Variants in GALNT7 observed in about 807,000 individuals in gnomAD.
The protein encoded by GALNT7 is polypeptide N-acetylgalactosaminyltransferase 7, also known as N-acetylgalactosaminyltransferase 7.
Under a neutral mutation model 82.1 loss-of-function variants are expected in GALNT7, and 60 were observed. The observed-to-expected ratio is 0.73, with a 90% CI of 0.59 to 0.91. GALNT7 has a LOEUF of 0.91. Ranked by LOEUF, GALNT7 falls within the 40% of genes least tolerant of loss-of-function variation. The pLI, the probability that GALNT7 is intolerant of heterozygous loss-of-function variation, is 0.00. For missense variants in GALNT7, 660 were observed against 804.2 expected, an observed-to-expected ratio of 0.82 and a Z score of 2.17; for synonymous variants, 243 against 275.1, an observed-to-expected ratio of 0.88 and a Z score of 1.15.
chr4:173,215,436 G>A lies in GALNT7; in HGVS notation c.127-32544G>A, dbSNP rs145463097. Among the ~76,000 whole-genome samples the A allele has an allele frequency of 3.9e-5, 6 of 152,120 alleles. No homozygotes were observed. The East Asian group carries it at 7.8e-4, about 20-fold the overall frequency. On this transcript the variant is annotated intron_variant, in intron 1 of 11. Coordinates refer to ENST00000265000, the MANE Select transcript of GALNT7 (RefSeq NM_017423.3). ...AGTAGAGACGGGGGTTCACCATGTT[G>A]CCCAGGCTGGTCTTGAACTCCTGAC...
intron 1 of GALNT7, among the ~76,000 whole-genome samples, chr4:173,240,357 ATTTTTTTTTTTTTTT>A (rs869162691): frequency 1.9e-5 from 2 of 104,142 alleles, no homozygotes; most frequent in Admixed American, 1.1e-4. Flanking sequence ...ACACTGGCTA[ATTTTTTTTTTTTTTT>A]TTTTTTTTTT....
In GALNT7 at chr4:173,320,746, A is replaced by G. The variant is rs1468030597; in HGVS notation, c.1837-834A>G. Reference sequence around the variant, plus strand: ...ATCCTTGAGCATTGTACCTCATTATATGGAAGTACTTGATACGTACTTCCC... The same window carrying G: ...ATCCTTGAGCATTGTACCTCATTATGTGGAAGTACTTGATACGTACTTCCC... On this transcript the variant is annotated intron_variant, in intron 11 of 11. Transcript: ENST00000265000. The surrounding 1 kb of genome is among the most constrained non-coding windows in gnomAD (Gnocchi z 4.1). Among the ~76,000 whole-genome samples the G allele has an allele frequency of 6.6e-6, 1 of 152,176 alleles. No individual in the cohort carries two copies. The highest frequency in any genetic ancestry group is 2.4e-5 in the African/African-American group (1 of 41,434).
chr4:173,233,052 G>T (rs1031347601), intron 1 of GALNT7, among the ~76,000 whole-genome samples: 5 of 152,160 alleles, frequency 3.3e-5, no homozygotes, highest in African/African-American at 9.7e-5. Context: ...CATCCATGTT[G>T]CTGCAAATGA....
Position 173,248,402 on chromosome 4 carries a change from C to T in GALNT7, c.549C>T (p.Ile183=). Residue 183 remains isoleucine, a synonymous_variant, in exon 2 of 12, where the codon ATC becomes ATT. Coordinates refer to ENST00000265000, the MANE Select transcript of GALNT7 (RefSeq NM_017423.3). ...TTAACATGGTGGCAAGTGACATGAT[C>T]TCACTGGACCGCAGCGTCAATGACT... ...FGFNMVASDM[I]SLDRSVNDLR... The T allele has an allele frequency of 1.2e-6, 2 of 1,612,570 alleles. No homozygotes were observed. The highest frequency in any genetic ancestry group is 8.5e-7 in the Non-Finnish European group (1 of 1,179,214).
intron 8 of GALNT7, among the ~76,000 whole-genome samples, chr4:173,311,861 A>C (rs1737396873): frequency 6.6e-6 from 1 of 152,208 alleles, no homozygotes; most frequent in Non-Finnish European, 1.5e-5. Context: ...TTGTGACAAC[A>C]ATGCATCTAG....
intron 1 of GALNT7, among the ~76,000 whole-genome samples, chr4:173,175,232 G>A (rs1266865357): frequency 6.6e-6 from 1 of 152,306 alleles, no homozygotes; most frequent in Non-Finnish European, 1.5e-5. Flanking sequence ...AAAGATTTCA[G>A]TAATAACAGC....
intron 6 of GALNT7, among the ~76,000 whole-genome samples, chr4:173,300,475 C>T (rs1246230968): frequency 6.6e-6 from 1 of 152,082 alleles, no homozygotes; most frequent in African/African-American, 2.4e-5. Context: ...GACAAAGTGT[C>T]ATTTAGGCTG....
intron 1 of GALNT7, among the ~76,000 whole-genome samples, chr4:173,178,052 T>TGTGTGTGTGC (rs563102408): frequency 3.8e-4 from 49 of 129,512 alleles, no homozygotes; most frequent in African/African-American, 1.3e-3. Flanking sequence ...TGTGTGTGTG[T>TGTGTGTGTGC]GCGCGCACGC....
At chr4:173,246,210 T>C (rs181149771) in intron 1 of GALNT7, among the ~76,000 whole-genome samples, 1 of 152,380 alleles carries the variant, frequency 6.6e-6, no homozygotes, top group Admixed American at 6.5e-5. Context: ...TGGAATGCAA[T>C]TGATTATTGC....
chr4:173,261,818 C>CA (rs912278433), intron 2 of GALNT7, among the ~76,000 whole-genome samples: 14 of 150,864 alleles, frequency 9.3e-5, no homozygotes, highest in African/African-American at 2.9e-4. Context: ...GACTCAGTCT[C>CA]AAAAAAAATT....
intron 1 of GALNT7, among the ~76,000 whole-genome samples, chr4:173,174,147 A>G (rs1019501183): frequency 6.6e-6 from 1 of 152,064 alleles, no homozygotes; most frequent in Admixed American, 6.6e-5. Context: ...TCAGTGTCCC[A>G]TCCCCCTTCT....
intron 2 of GALNT7, among the ~76,000 whole-genome samples, chr4:173,288,278 A>T (rs374203773): frequency 9.5e-6 from 1 of 105,176 alleles, no homozygotes; most frequent in Non-Finnish European, 2.0e-5. Flanking sequence ...GCGAGACTCC[A>T]TCTCAAAAAA....
chr4:173,196,573 A>C (rs1386047511), intron 1 of GALNT7, among the ~76,000 whole-genome samples: 1 of 152,216 alleles, frequency 6.6e-6, no homozygotes, highest in African/African-American at 2.4e-5. Flanking sequence ...TCCGGGTTGC[A>C]TGTGCAGGAT....
chr4:173,278,249 C>A (rs1265931572), intron 2 of GALNT7, among the ~76,000 whole-genome samples: 1 of 152,204 alleles, frequency 6.6e-6, no homozygotes, highest in South Asian at 2.1e-4. Context: ...GTGATAGATA[C>A]CTCCTGCAGT....
Position 173,298,110 on chromosome 4 carries a change from T to A in GALNT7, c.966-5T>A, listed in dbSNP as rs1242363777. 1.2e-6 allele frequency: 2 copies of A among 1,613,748 alleles called. No homozygotes were observed. Among genetic ancestry groups the A allele is most frequent in the Admixed American group, 3.3e-5 (2 of 60,018 alleles). ...TTGATCTTTGCTGCCATCAACACAA[T>A]ACAGAACCATTTGCACTGTGCCGCT... On this transcript the variant is annotated splice_polypyrimidine_tract_variant and splice_region_variant and intron_variant, in intron 5 of 11. Transcript: ENST00000265000.
chr4:173,168,879 T>G lies in GALNT7; in HGVS notation c.44T>G (p.Val15Gly). 6.2e-7 allele frequency: 1 copy of G among 1,613,256 alleles called. No individual in the cohort carries two copies. The highest frequency in any genetic ancestry group is 8.5e-7 in the Non-Finnish European group (1 of 1,179,538). Residue 15 changes from valine (V) to glycine (G), a missense_variant, in exon 1 of 12, where the codon GTG becomes GGG. This residue lies in a region of GALNT7 where 133 missense variants were observed against 120.7 expected (regional missense o/e 1.10). Transcript: ENST00000265000. ...IGFILRSLLV[V>G]GSFLGLVVLW... is the part of the protein sequence containing the mutation. ...TTCATCTTACGCAGTTTGCTGGTGG[T>G]GGGAAGCTTCCTGGGGCTAGTGGTC...
chr4:173,313,664 C>A (rs142343985), intron 8 of GALNT7, among the ~76,000 whole-genome samples: 10 of 151,396 alleles, frequency 6.6e-5, no homozygotes, highest in Non-Finnish European at 1.3e-4. Context: ...CTCTGAGATT[C>A]AATTTATTCT....
At chr4:173,313,928 GATAT>G (rs138768800) in intron 8 of GALNT7, 26 bp from the exon 9 acceptor site, 33 of 942,970 alleles carry the variant, frequency 3.5e-5, no homozygotes, top group Non-Finnish European at 3.6e-5. Flanking sequence ...TTTTTATAAC[GATAT>G]ATATATATAT....
At chr4:173,172,053 C>T (rs948661015) in intron 1 of GALNT7, among the ~76,000 whole-genome samples, 2 of 152,090 alleles carry the variant, frequency 1.3e-5, no homozygotes, top group Non-Finnish European at 2.9e-5. Context: ...AGTGAGAGAC[C>T]GAGGCAAATT....
Sources: allele counts gnomAD v4.1 joint callset (sites outside exome capture counted in the v4.1 genomes callset), GRCh38; gene constraint gnomAD v4.1.1; regional missense constraint gnomAD v4.1.1; non-coding constraint Gnocchi (gnomAD v3.1); transcripts MANE v1.5; gene names NCBI Gene and HGNC (gene_info 2026-07-23, HGNC 2026-07-21).